The following RIMBP2 variants were observed in gnomAD, a reference collection of about 807,000 sequenced individuals.
RIMBP2 encodes the protein RIMS-binding protein 2.
Under a neutral mutation model 118.6 loss-of-function variants are expected in RIMBP2, and 48 were observed. The observed-to-expected ratio is 0.40, with a 90% CI of 0.32 to 0.51. The LOEUF is 0.51. Among genes scored for constraint, RIMBP2 ranks in the 20% least tolerant of loss-of-function variants. RIMBP2 has a pLI of 0.41. For missense variants in RIMBP2, 1,551 were observed against 1,768.3 expected, an observed-to-expected ratio of 0.88 and a Z score of 2.20; for synonymous variants, 762 against 742.9, an observed-to-expected ratio of 1.03 and a Z score of -0.42.
chr12:130,629,812 T>C (rs1183186296), intron 1 of RIMBP2, among the ~76,000 whole-genome samples: 3 of 151,922 alleles, frequency 2.0e-5, no homozygotes, highest in African/African-American at 7.3e-5. Context: ...TGGAGTGAGC[T>C]CACCACTGAC....
chr12:130,495,560 T>C (rs1013999178), intron 4 of RIMBP2, among the ~76,000 whole-genome samples: 2 of 152,220 alleles, frequency 1.3e-5, no homozygotes, highest in African/African-American at 4.8e-5. Context: ...ATTTTTTTTC[T>C]GAGCTCCTCC....
chr12:130,535,728 CATATATATA>C (rs2053970029), intron 2 of RIMBP2, among the ~76,000 whole-genome samples: 1 of 128,058 alleles, frequency 7.8e-6, no homozygotes, highest in African/African-American at 2.9e-5. Context: ...CATATATATA[CATATATATA>C]CATATATATA....
At chr12:130,635,754 G>T (rs2062311981) in intron 1 of RIMBP2, among the ~76,000 whole-genome samples, 1 of 152,080 alleles carries the variant, frequency 6.6e-6, no homozygotes, top group African/African-American at 2.4e-5. Context: ...GGAAAGATGG[G>T]GCCCAGGGGT....
chr12:130,551,475 AT>A (rs1286979543), intron 2 of RIMBP2, among the ~76,000 whole-genome samples: 16 of 152,208 alleles, frequency 1.1e-4, no homozygotes, highest in East Asian at 3.8e-4. Context: ...TCTAAAAAAA[AT>A]GTCCCATAGT....
intron 2 of RIMBP2, among the ~76,000 whole-genome samples, chr12:130,544,375 T>C (rs1012510328): frequency 6.6e-6 from 1 of 152,054 alleles, no homozygotes; most frequent in African/African-American, 2.4e-5. Context: ...TGGTCCAGGG[T>C]CCCCCTTTAA....
rs1040386362 is a variant in RIMBP2 at position 130,632,611 on chromosome 12, C to T, written c.-351-4155G>A. ...CTGTCCTCGGCTCGGCCTACTCCATCGTTAAAGAGGCTAAGGGGCTTTAAT... is the reference window on the plus strand; with the variant it reads ...CTGTCCTCGGCTCGGCCTACTCCATTGTTAAAGAGGCTAAGGGGCTTTAAT... On this transcript the variant is annotated intron_variant, in intron 1 of 22. Coordinates refer to ENST00000690449, the MANE Select transcript of RIMBP2 (RefSeq NM_001393629.1). Among the ~76,000 whole-genome samples the T allele has an allele frequency of 2.6e-5, 4 of 152,114 alleles. No individual in the cohort carries two copies. In the East Asian group the frequency reaches 5.8e-4, roughly 22 times the overall value.
At chr12:130,571,881 G>A (rs879860547) in intron 2 of RIMBP2, among the ~76,000 whole-genome samples, 1 of 152,124 alleles carries the variant, frequency 6.6e-6, no homozygotes, top group Non-Finnish European at 1.5e-5. Flanking sequence ...CCACCTCGGG[G>A]CTGTACATGC....
At chr12:130,521,530 G>C (rs556514556) in intron 2 of RIMBP2, among the ~76,000 whole-genome samples, 1 of 152,198 alleles carries the variant, frequency 6.6e-6, no homozygotes, top group Non-Finnish European at 1.5e-5. Context: ...ACAAACGCAC[G>C]CGTGGTCCCA....
At chr12:130,503,401 A>C (rs1025554853) in intron 4 of RIMBP2, among the ~76,000 whole-genome samples, 28 of 87,374 alleles carry the variant, frequency 3.2e-4, no homozygotes, top group African/African-American at 1.0e-3. Flanking sequence ...ATCTAAAAAG[A>C]AAAAACAAAA....
intron 2 of RIMBP2, among the ~76,000 whole-genome samples, chr12:130,542,732 C>T (rs73454809): frequency 0.15 from 23,183 of 152,158 alleles, 2,110 homozygotes; most frequent in African/African-American, 0.26. Flanking sequence ...ATGCAATCTG[C>T]CTTAACCAAG....
chr12:130,677,832 C>G (rs2136515797), intron 1 of RIMBP2, among the ~76,000 whole-genome samples: 1 of 152,308 alleles, frequency 6.6e-6, no homozygotes, highest in Non-Finnish European at 1.5e-5. Context: ...GCATTCAGAG[C>G]AATGTTCATT....
intron 4 of RIMBP2, among the ~76,000 whole-genome samples, chr12:130,495,852 G>A (rs144767144): frequency 4.5e-4 from 69 of 152,232 alleles, no homozygotes; most frequent in African/African-American, 1.5e-3. Flanking sequence ...AGAACACCCC[G>A]GTTCTCAGAA....
chr12:130,434,865 C>A lies in RIMBP2; in HGVS notation c.2122G>T (p.Val708Phe). 1 of 1,606,802 alleles carries A rather than the reference C, an allele frequency of 6.2e-7. No individual in the cohort carries two copies. Among genetic ancestry groups the A allele is most frequent in the African/African-American group, 1.3e-5 (1 of 74,620 alleles). Reference protein sequence around the residue: ...AESSRLEKRSVFLERSSAGQY... With the variant: ...AESSRLEKRSFFLERSSAGQY... ...CCCGCGCTGCTTCTCTCTAGGAAGA[C>A]GCTCCTTTTCTCTAACTTGGAAAGA... Residue 708 changes from valine to phenylalanine, a missense_variant, in exon 14 of 23, where the codon GTC becomes TTC. Val to Phe is a conservative substitution (Grantham distance 50). Transcript: ENST00000690449. This position sits in a 1 kb window ranked among gnomAD's most constrained non-coding sequence, Gnocchi z 5.7.
chr12:130,480,877 A>T (rs924745482), intron 4 of RIMBP2, among the ~76,000 whole-genome samples: 4 of 152,266 alleles, frequency 2.6e-5, no homozygotes, highest in African/African-American at 9.6e-5. Context: ...CTGGGATTAC[A>T]GGCGTGAGCC....
intron 15 of RIMBP2, chr12:130,425,127 A>G (rs1412191642): frequency 1.2e-5 from 4 of 342,980 alleles, no homozygotes; most frequent in Non-Finnish European, 2.1e-5. Context: ...GCATCCAGCC[A>G]AGGAGAGGGC....
intron 1 of RIMBP2, among the ~76,000 whole-genome samples, chr12:130,646,441 TG>T (rs2062972822): frequency 2.9e-4 from 1 of 3,408 alleles, no homozygotes; most frequent in Admixed American, 3.7e-3. Flanking sequence ...CCACCTCCCT[TG>T]CCACCTCCCT....
intron 2 of RIMBP2, among the ~76,000 whole-genome samples, chr12:130,606,224 G>C (rs578113358): frequency 6.6e-6 from 1 of 152,160 alleles, no homozygotes; most frequent in Non-Finnish European, 1.5e-5. Flanking sequence ...TATATGGTGG[G>C]AATTACACAC....
chr12:130,436,892 C>A lies in RIMBP2; in HGVS notation c.2056G>T (p.Ala686Ser). Residue 686 changes from alanine (A) to serine (S), a missense_variant, in exon 13 of 23, where the codon GCC (alanine) becomes TCC (serine). Transcript: ENST00000690449. ...GCGGCCTCCCGGGCCATGGCCTTGG[C>A]GACGGTGGTGGACACCGGGGTGCCC... Reference protein sequence around the residue: ...PQGTPVSTTVAKAMAREAAQR... With the variant: ...PQGTPVSTTVSKAMAREAAQR... 6.3e-7 allele frequency: 1 copy of A among 1,584,746 alleles called. No homozygotes were observed. Among genetic ancestry groups the A allele is most frequent in the Non-Finnish European group, 8.6e-7 (1 of 1,167,200 alleles).
At chr12:130,601,335 CA>C (rs35127958) in intron 2 of RIMBP2, among the ~76,000 whole-genome samples, 5,524 of 62,748 alleles carry the variant, frequency 0.088, 24 homozygotes, top group Non-Finnish European at 0.13. Context: ...AGAGGGCAGG[CA>C]AAAAAAAAAA....
Sources: gnomAD v4.1 joint callset for allele counts (sites outside exome capture counted in the v4.1 genomes callset) on GRCh38, gnomAD v4.1.1 for gene constraint, Gnocchi (gnomAD v3.1) non-coding constraint, MANE v1.5 for transcripts, NCBI Gene and HGNC (gene_info 2026-07-23, HGNC 2026-07-21) for gene names.